MARCHF7: variants seen among roughly 807,000 people sequenced by gnomAD.
MARCHF7 encodes the protein E3 ubiquitin-protein ligase MARCHF7.
In MARCHF7, 20 loss-of-function variants were observed where a neutral mutation model predicts 76.5. The observed-to-expected ratio is 0.26, with a 90% CI of 0.18 to 0.38. The LOEUF (loss-of-function observed/expected upper bound fraction) is 0.38, where lower values mean the gene tolerates loss of function less well. Among genes scored for constraint, MARCHF7 ranks in the 10% least tolerant of loss-of-function variants. MARCHF7 has a pLI of 1.00. For missense variants in MARCHF7, 797 were observed against 812.9 expected, an observed-to-expected ratio of 0.98 and a Z score of 0.24; for synonymous variants, 295 against 293.0, an observed-to-expected ratio of 1.01 and a Z score of -0.07.
intron 8 of MARCHF7, among the ~76,000 whole-genome samples, chr2:159,756,640 T>C (rs572480262): frequency 4.8e-4 from 59 of 123,672 alleles, no homozygotes; most frequent in African/African-American, 1.8e-3. Context: ...TGAGCCGAGA[T>C]CACCCCATTG....
chr2:159,743,352 A>G, intron 5 of MARCHF7, 99 bp downstream of exon 5: 1 of 1,088,560 alleles, frequency 9.2e-7, no homozygotes, highest in Non-Finnish European at 1.3e-6. Context: ...TTATATGAAG[A>G]CAGTGGGTCA....
At chr2:159,744,104 CAGCCTCCCAAG>C (rs1374838004) in intron 5 of MARCHF7, among the ~76,000 whole-genome samples, 45 of 147,150 alleles carry the variant, frequency 3.1e-4, no homozygotes, top group Non-Finnish European at 6.0e-4. Flanking sequence ...TCTCCTGCCT[CAGCCTCCCAAG>C]TAGCTGGGAC....
chr2:159,737,176 T>C (rs1028180461), intron 4 of MARCHF7, among the ~76,000 whole-genome samples: 3 of 152,164 alleles, frequency 2.0e-5, no homozygotes, highest in African/African-American at 7.2e-5. Context: ...AAAAGATTGA[T>C]TAGTTTTCAT....
At chr2:159,746,979 G>A (rs1013302872) in intron 6 of MARCHF7, among the ~76,000 whole-genome samples, 8 of 152,148 alleles carry the variant, frequency 5.3e-5, no homozygotes, top group African/African-American at 1.7e-4. Flanking sequence ...TAAAAGTACA[G>A]GATAGAAATA....
Position 159,750,796 on chromosome 2 carries a change from AT to A in MARCHF7, c.1614-1596del, listed in dbSNP as rs572910539. Among the ~76,000 whole-genome samples, 1,076 of 150,218 alleles carry A rather than the reference AT, an allele frequency of 7.2e-3. 12 individuals are homozygous for A. Among genetic ancestry groups the A allele is most frequent in the Admixed American group, 0.026 (399 of 15,062 alleles). ...ACTTATATAAAGTTAATGTTGTGGG[AT>A]TTTTTTTTTCTTTTTCACAAAGGCC... On this transcript the variant is annotated intron_variant, in intron 7 of 11. Coordinates refer to ENST00000409175, the MANE Select transcript of MARCHF7 (RefSeq NM_001282805.2).
At position 159,752,264 on chromosome 2, in the gene MARCHF7, G is replaced by A. The variant is rs530418822; in HGVS notation, c.1614-138G>A. The stretch of plus-strand genomic sequence containing the variant: ...TGAATATAATTGTTATTGTTTTGTT[G>A]TTGTTACTGTTTGCTTTTTTCCACC... On this transcript the variant is annotated intron_variant, in intron 7 of 11. Transcript: ENST00000409175. 1.7e-4 allele frequency: 94 copies of A among 567,772 alleles called. 1 individual carries two copies. In the East Asian group the frequency reaches 2.5e-3, roughly 15 times the overall value. The allele number at this position is 567,772 out of a possible 1,614,324, so 35.2% of individuals were successfully genotyped here.
At chr2:159,727,986 T>G (rs1391567184) in intron 3 of MARCHF7, among the ~76,000 whole-genome samples, 2 of 152,240 alleles carry the variant, frequency 1.3e-5, no homozygotes, top group Admixed American at 6.5e-5. Flanking sequence ...TCTTAGAAGT[T>G]TTATTCATTT....
At chr2:159,755,975 A>C (rs1186839927) in intron 8 of MARCHF7, among the ~76,000 whole-genome samples, 1 of 152,150 alleles carries the variant, frequency 6.6e-6, no homozygotes. Flanking sequence ...GTCTGAGCTC[A>C]AGGGCTCTGA....
chr2:159,763,762 T>G (rs532844591), intron 10 of MARCHF7, among the ~76,000 whole-genome samples: 24 of 152,350 alleles, frequency 1.6e-4, no homozygotes, highest in African/African-American at 5.5e-4. Context: ...TTGAAAATTA[T>G]CAAATAACTG....
chr2:159,724,681 T>TATGA (rs1701971507), intron 3 of MARCHF7, among the ~76,000 whole-genome samples: 1 of 152,224 alleles, frequency 6.6e-6, no homozygotes. Flanking sequence ...GTTCTTATTT[T>TATGA]ATGAATGAAT....
At chr2:159,727,902 G>A (rs1025409679) in intron 3 of MARCHF7, among the ~76,000 whole-genome samples, 2 of 152,170 alleles carry the variant, frequency 1.3e-5, no homozygotes, top group Admixed American at 1.3e-4. Context: ...GAAATGTTTA[G>A]TGAGGAAAAC....
At chr2:159,713,230 G>T (rs572921772) in intron 1 of MARCHF7, among the ~76,000 whole-genome samples, 14 of 152,222 alleles carry the variant, frequency 9.2e-5, no homozygotes, top group Non-Finnish European at 1.8e-4. Context: ...GTAGGTGATT[G>T]TATTAAAAAT....
chr2:159,725,158 T>G (rs1702023690), intron 3 of MARCHF7, among the ~76,000 whole-genome samples: 1 of 152,226 alleles, frequency 6.6e-6, no homozygotes, highest in African/African-American at 2.4e-5. Context: ...TGCATGTGTC[T>G]TTATAGTAGC....
chr2:159,723,764 CTAAG>C (rs1701881058), intron 3 of MARCHF7, among the ~76,000 whole-genome samples: 3 of 152,226 alleles, frequency 2.0e-5, no homozygotes, highest in East Asian at 1.9e-4. Context: ...TCATGAACAG[CTAAG>C]TTTTTCCAAG....
At chr2:159,737,273 T>A (rs1424490489) in intron 4 of MARCHF7, among the ~76,000 whole-genome samples, 1 of 152,220 alleles carries the variant, frequency 6.6e-6, no homozygotes, top group Non-Finnish European at 1.5e-5. Context: ...GTATATATCT[T>A]ACTGGATACT....
At position 159,748,973 on chromosome 2, in the gene MARCHF7, C is replaced by CTTTTTT. The variant is rs1210018083; in HGVS notation, c.1613+74_1613+75insTTTTTT. 63 of 684,624 alleles carry CTTTTTT rather than the reference C, an allele frequency of 9.2e-5. 6 individuals carry two copies. Among genetic ancestry groups the CTTTTTT allele is most frequent in the Middle Eastern group, 4.4e-4 (1 of 2,292 alleles). 42.4% of individuals were successfully genotyped at this position (684,624 alleles called of 1,614,324 possible). On this transcript the variant is annotated intron_variant, in intron 7 of 11. Transcript: ENST00000409175. ...AAAGAACTCTTCATTTCTTTTTTTT[C>CTTTTTT]TTTTCTTTTTTTTTTTTTTTTTTGA...
intron 1 of MARCHF7, among the ~76,000 whole-genome samples, chr2:159,712,972 C>G (rs545109860): frequency 2.6e-5 from 4 of 152,098 alleles, no homozygotes; most frequent in African/African-American, 9.7e-5. Context: ...GCGGCCTCCT[C>G]TTGGGCCGTG....
chr2:159,713,168 G>C (rs1380044027), intron 1 of MARCHF7, among the ~76,000 whole-genome samples: 1 of 152,186 alleles, frequency 6.6e-6, no homozygotes, highest in Non-Finnish European at 1.5e-5. Flanking sequence ...ATATCGTGAC[G>C]CCCTGAGAGT....
At chr2:159,757,648 A>G (rs966777774) in intron 8 of MARCHF7, among the ~76,000 whole-genome samples, 1 of 152,214 alleles carries the variant, frequency 6.6e-6, no homozygotes, top group African/African-American at 2.4e-5. Context: ...GTCTCCAGAA[A>G]AAACATGTAG....
Sources: allele counts gnomAD v4.1 joint callset (sites outside exome capture counted in the v4.1 genomes callset), GRCh38; gene constraint gnomAD v4.1.1; transcripts MANE v1.5; gene names NCBI Gene and HGNC (gene_info 2026-07-23, HGNC 2026-07-21).